ATP2C2: variants seen among roughly 807,000 people sequenced by gnomAD.
ATP2C2 encodes calcium-transporting ATPase type 2C member 2.
A neutral mutation model predicts 110.8 loss-of-function variants in ATP2C2; 171 were observed. That is an observed-to-expected ratio of 1.54 (90% CI 1.36 to 1.75). The LOEUF is 1.75. Ranked by LOEUF, ATP2C2 falls within the 40% of genes most tolerant of loss-of-function variation. ATP2C2 has a pLI of 0.00. For synonymous variants in ATP2C2, 804 were observed against 508.4 expected, an observed-to-expected ratio of 1.58 and a Z score of -7.82; for missense variants, 1,963 against 1,235.0, an observed-to-expected ratio of 1.59 and a Z score of -8.84.
intron 15 of ATP2C2, among the ~76,000 whole-genome samples, chr16:84,443,378 C>A (rs11149657): frequency 0.14 from 20,720 of 152,094 alleles, 2,025 homozygotes; most frequent in East Asian, 0.5. Context: ...CTCCTTTCCC[C>A]GACCCGCTCC....
intron 18 of ATP2C2, 71 bp from the exon 19 acceptor site, chr16:84,453,067 G>A (rs1482362653): frequency 2.4e-5 from 35 of 1,471,342 alleles, no homozygotes; most frequent in Admixed American, 1.0e-4. Flanking sequence ...CCCCATGGCC[G>A]AGGTGGGGCC....
intron 4 of ATP2C2, 22 bp from the exon 5 acceptor site, chr16:84,410,546 C>T (rs372812749): frequency 2.5e-5 from 40 of 1,613,240 alleles, no homozygotes; most frequent in East Asian, 2.0e-4. Context: ...GGTACTGACA[C>T]CCTCCTCCGT....
intron 20 of ATP2C2, among the ~76,000 whole-genome samples, chr16:84,453,588 G>A (rs1449826450): frequency 1.3e-5 from 2 of 152,170 alleles, no homozygotes; most frequent in Admixed American, 6.5e-5. Flanking sequence ...TGGAGAGGAC[G>A]AGGCTCTGAA....
At chr16:84,447,650 T>C (rs1039622980) in intron 16 of ATP2C2, among the ~76,000 whole-genome samples, 1 of 140,626 alleles carries the variant, frequency 7.1e-6, no homozygotes, top group East Asian at 1.9e-4. Context: ...ATTAATTATA[T>C]AATATGTAAT....
chr16:84,413,871 C>T (rs976437817), intron 6 of ATP2C2, among the ~76,000 whole-genome samples: 10 of 152,130 alleles, frequency 6.6e-5, no homozygotes, highest in African/African-American at 2.2e-4. Flanking sequence ...GGAGAAAGGG[C>T]ACTGAGGTTA....
chr16:84,416,379 C>A (rs1007848164), intron 7 of ATP2C2, among the ~76,000 whole-genome samples: 1 of 152,194 alleles, frequency 6.6e-6, no homozygotes, highest in African/African-American at 2.4e-5. Context: ...CTGTTCAAAG[C>A]TTTGCATGAT....
intron 1 of ATP2C2, among the ~76,000 whole-genome samples, chr16:84,376,083 A>C (rs1910232665): frequency 6.6e-6 from 1 of 152,014 alleles, no homozygotes; most frequent in Non-Finnish European, 1.5e-5. Context: ...CGCCAGTGGG[A>C]GAAAGAGGTG....
At chr16:84,454,004 C>G (rs1016883448) in intron 20 of ATP2C2, among the ~76,000 whole-genome samples, 3 of 152,094 alleles carry the variant, frequency 2.0e-5, no homozygotes, top group Admixed American at 2.0e-4. Flanking sequence ...GCACACCCGG[C>G]TAATGTTTGT....
chr16:84,369,560 AGTCCCCTGG>A (rs910810109), intron 1 of ATP2C2, among the ~76,000 whole-genome samples: 2 of 151,992 alleles, frequency 1.3e-5, no homozygotes, highest in African/African-American at 4.8e-5. Flanking sequence ...TTTCTGAACG[AGTCCCCTGG>A]GTTGCTAATT....
At chr16:84,433,967 C>T (rs923708391) in intron 11 of ATP2C2, among the ~76,000 whole-genome samples, 3 of 152,110 alleles carry the variant, frequency 2.0e-5, no homozygotes, top group Non-Finnish European at 2.9e-5. Flanking sequence ...TCTCATTTGT[C>T]ATTTTGAAAG....
rs1567699121 is a variant in ATP2C2, at chr16:84,405,055, TGGGAG to T, written c.211-72_211-68del. Reference sequence around the variant, plus strand: ...TCATGGAAGCCGCTGCCTTTCAGAGTGGGAGTCTGTACCCTGTTGCCTCATTCCTT... The same window carrying T: ...TCATGGAAGCCGCTGCCTTTCAGAGTTCTGTACCCTGTTGCCTCATTCCTT... On this transcript the variant is annotated intron_variant, in intron 2 of 26. Coordinates refer to ENST00000262429, the MANE Select transcript of ATP2C2 (RefSeq NM_014861.4). 3 of 1,242,040 alleles carry T rather than the reference TGGGAG, an allele frequency of 2.4e-6. No individual in the cohort carries two copies. In the African/African-American group the frequency reaches 4.5e-5, roughly 18 times the overall value. The allele number at this position is 1,242,040 out of a possible 1,614,324, so 76.9% of individuals were successfully genotyped here. A position where few individuals can be genotyped will look rare whatever the true frequency, so the allele number is the denominator to read the frequency against.
rs757286633 is a variant in ATP2C2, at chr16:84,448,704, T to C, written c.1660+15T>C. The C allele has an allele frequency of 4.4e-6, 7 of 1,605,006 alleles. No individual in the cohort carries two copies. The East Asian group carries it at 1.6e-4, about 36-fold the overall frequency. On this transcript the variant is annotated intron_variant, in intron 17 of 26. Coordinates refer to ENST00000262429, the MANE Select transcript of ATP2C2 (RefSeq NM_014861.4). ...CGGTTTGCGGGGTCAGTGCCTGTGG[T>C]CCCGGCCCAGAGCTTTAAGCTTGCA... is the stretch of plus-strand genomic sequence containing the variant.
At chr16:84,371,523 A>C (rs1418890212) in intron 1 of ATP2C2, among the ~76,000 whole-genome samples, 1 of 152,196 alleles carries the variant, frequency 6.6e-6, no homozygotes, top group Non-Finnish European at 1.5e-5. Flanking sequence ...ACAACAACAA[A>C]AAGGTCTTTG....
At chr16:84,437,950 C>T (rs1299602183) in intron 11 of ATP2C2, among the ~76,000 whole-genome samples, 3 of 151,746 alleles carry the variant, frequency 2.0e-5, no homozygotes, top group Non-Finnish European at 2.9e-5. Flanking sequence ...CCATTCTGAA[C>T]ATCCCTTATG....
In ATP2C2 at chr16:84,381,513, G is replaced by T. The variant is rs1910576844; in HGVS notation, c.99+12799G>T. ...AATTGCTTGAACCTGGGAAGCAGAG[G>T]TTGCAGTGAGCCGAGATCATGCCAC... On this transcript the variant is annotated intron_variant, in intron 1 of 26. Coordinates refer to ENST00000262429, the MANE Select transcript of ATP2C2 (RefSeq NM_014861.4). Among the ~76,000 whole-genome samples, 3 of 152,058 alleles carry T rather than the reference G, an allele frequency of 2.0e-5. No individual in the cohort carries two copies. The South Asian group carries it at 6.2e-4, about 32-fold the overall frequency.
chr16:84,455,207 C>T (rs1026237344), intron 21 of ATP2C2, among the ~76,000 whole-genome samples: 1 of 152,108 alleles, frequency 6.6e-6, no homozygotes, highest in African/African-American at 2.4e-5. Flanking sequence ...TAGTCACATG[C>T]TGCCCCCAGG....
intron 21 of ATP2C2, among the ~76,000 whole-genome samples, chr16:84,458,576 C>A (rs369572856): frequency 6.6e-6 from 1 of 151,934 alleles, no homozygotes; most frequent in Non-Finnish European, 1.5e-5. Flanking sequence ...TAAAATCTGG[C>A]GGTGGGGGCA....
chr16:84,420,701 C>T (rs1200350832), intron 7 of ATP2C2, among the ~76,000 whole-genome samples: 1 of 152,106 alleles, frequency 6.6e-6, no homozygotes, highest in Non-Finnish European at 1.5e-5. Flanking sequence ...TGTCCTTTTT[C>T]TGCTCCAGGA....
intron 2 of ATP2C2, among the ~76,000 whole-genome samples, chr16:84,399,008 C>G (rs9924523): frequency 0.026 from 3,908 of 152,312 alleles, 158 homozygotes; most frequent in African/African-American, 0.083. Flanking sequence ...CTTGGTCATC[C>G]GGTATTCCCA....
Sources: allele counts gnomAD v4.1 joint callset (sites outside exome capture counted in the v4.1 genomes callset), GRCh38; gene constraint gnomAD v4.1.1; transcripts MANE v1.5; gene names NCBI Gene and HGNC (gene_info 2026-07-23, HGNC 2026-07-21).